The following TMEM120A variants were observed in gnomAD, a reference collection of about 807,000 sequenced individuals.
TMEM120A encodes the protein ion channel TACAN.
A neutral mutation model predicts 54.3 loss-of-function variants in TMEM120A; 45 were observed. The ratio of observed to expected loss-of-function variants is 0.83; its 90% CI spans 0.65 to 1.06. The LOEUF is 1.06. TMEM120A is among the 50% of genes least tolerant of loss of function. The probability of loss-of-function intolerance (pLI) is 0.00; values close to 1 mark genes in which losing one functional copy is unlikely to be tolerated. For synonymous variants in TMEM120A, 204 were observed against 178.5 expected (o/e 1.14, Z -1.14); for missense variants, 424 against 441.7 (o/e 0.96, Z 0.36).
Position 75,992,253 on chromosome 7 carries a change from G to A in TMEM120A, c.208C>T (p.Pro70Ser). The change falls in exon 3 of 12, where the codon CCC (proline) becomes TCC (serine). Residue 70 changes from proline (P) to serine (S), a missense_variant. Transcript: ENST00000493111. The stretch of plus-strand genomic sequence containing the variant: ...CCCTCGGCCTCTGCTGGGAGGGAGG[G>A]TTTGCATCTGCGGGTAAGGCCAGAA... The part of the protein sequence containing the change: ...ELALALKKCK[P>S]SLPAEAEGAA... 1 of 1,605,756 alleles carries A rather than the reference G, an allele frequency of 6.2e-7. No individual in the cohort carries two copies. Among genetic ancestry groups the A allele is most frequent in the Admixed American group, 1.7e-5 (1 of 58,820 alleles).
rs982855347 is a variant in TMEM120A at position 75,992,547 on chromosome 7, C to T, written c.92G>A (p.Arg31Gln). ...QDFQNIQETH[R>Q]LYRLKLEELT... The stretch of plus-strand genomic sequence containing the variant: ...CTCCTCCAGCTTCAGGCGGTAGAGC[C>T]GATGGGTCTCCTGGGGGCCGGAGGG... The change falls in exon 2 of 12, where the codon CGG (arginine) becomes CAG (glutamine). Residue 31 changes from arginine (R) to glutamine (Q), a missense_variant. Arg to Gln is a conservative substitution (Grantham distance 43). Coordinates refer to ENST00000493111, the MANE Select transcript of TMEM120A (RefSeq NM_031925.3). The T allele has an allele frequency of 4.4e-6, 7 of 1,575,958 alleles. No homozygotes were observed. Among genetic ancestry groups the T allele is most frequent in the East Asian group, 2.3e-5 (1 of 42,982 alleles).
At position 75,992,233 on chromosome 7, in the gene TMEM120A, G is replaced by A. The variant is rs781833166; in HGVS notation, c.228C>T (p.Ala76=). 15 of 1,611,016 alleles carry A rather than the reference G, an allele frequency of 9.3e-6. No homozygotes were observed. The highest frequency in any genetic ancestry group is 2.2e-5 in the East Asian group (1 of 44,840). Residue 76 remains alanine (A), a synonymous_variant, in exon 3 of 12, where the codon GCC becomes GCT. Transcript: ENST00000493111. ...TCTCCAGCTCCTGTGCGGCCCCCTC[G>A]GCCTCTGCTGGGAGGGAGGGTTTGC... ...KKCKPSLPAE[A]EGAAQELENQ...
chr7:75,991,892 A>C (rs1554561849), intron 3 of TMEM120A, among the ~76,000 whole-genome samples: 1 of 152,116 alleles, frequency 6.6e-6, no homozygotes, highest in African/African-American at 2.4e-5. Flanking sequence ...TAATCCAGGA[A>C]GCCTTCTGCG....
chr7:75,987,693 G>GATGC, intron 9 of TMEM120A, 25 bp downstream of exon 9: 1 of 1,610,666 alleles, frequency 6.2e-7, no homozygotes. Context: ...GGAATGTCCA[G>GATGC]ATGCCAGGGC....
chr7:75,992,264 C>T lies in TMEM120A; in HGVS notation c.201-4G>A, dbSNP rs781987686. On this transcript the variant is annotated splice_region_variant and splice_polypyrimidine_tract_variant and intron_variant, in intron 2 of 11. Transcript: ENST00000493111. ...TGCTGGGAGGGAGGGTTTGCATCTG[C>T]GGGTAAGGCCAGAAACAGTCAGGGC... is the stretch of plus-strand genomic sequence containing the variant. The T allele has an allele frequency of 1.3e-5, 21 of 1,600,752 alleles. No individual in the cohort carries two copies. The Admixed American group carries it at 1.7e-4, about 13-fold the overall frequency.
chr7:75,989,277 C>G (rs187197181), intron 3 of TMEM120A, 53 bp from the exon 4 acceptor site: 3 of 1,212,956 alleles, frequency 2.5e-6, no homozygotes, highest in East Asian at 2.5e-5. Flanking sequence ...GACAAGCCAC[C>G]GGTACTCAGC....
chr7:75,987,434 CA>C lies in TMEM120A; in HGVS notation c.850-7del, dbSNP rs1563438745. 5.8e-6 allele frequency: 9 copies of C among 1,560,212 alleles called. No homozygotes were observed. Among genetic ancestry groups the C allele is most frequent in the African/African-American group, 1.4e-5 (1 of 73,350 alleles). On this transcript the variant is annotated splice_polypyrimidine_tract_variant and splice_region_variant and intron_variant, in intron 10 of 11. Transcript: ENST00000493111. The stretch of plus-strand genomic sequence containing the variant: ...GCGTTAAAAAGCTGCCAGAACTAAG[CA>C]GGGAGGAGGCATTTTACTCAGAAGA...
At chr7:75,991,241 G>A (rs376164775) in intron 3 of TMEM120A, among the ~76,000 whole-genome samples, 203 of 152,018 alleles carry the variant, frequency 1.3e-3, no homozygotes, top group South Asian at 3.3e-3. Context: ...GCCCCCGCCC[G>A]CCTACTGGGC....
At position 75,987,390 on chromosome 7, in the gene TMEM120A, C is replaced by A; in HGVS notation, c.888G>T (p.Leu296=). 1 of 1,566,170 alleles carries A rather than the reference C, an allele frequency of 6.4e-7. No individual in the cohort carries two copies. Among genetic ancestry groups the A allele is most frequent in the East Asian group, 2.4e-5 (1 of 42,040 alleles). Reference sequence around the variant, plus strand: ...ACTCCTTGCACTGAGGGTCCTGGGCCAGGTTGAACAACGTCAGCGCGTTAA... The same window carrying A: ...ACTCCTTGCACTGAGGGTCCTGGGCAAGGTTGAACAACGTCAGCGCGTTAA... ...QLFNALTLFN[L]AQDPQCKEWQ... The change falls in exon 11 of 12, where the codon CTG becomes CTT. Residue 296 remains leucine (L), a synonymous_variant. Coordinates refer to ENST00000493111, the MANE Select transcript of TMEM120A (RefSeq NM_031925.3).
chr7:75,987,615 A>C lies in TMEM120A; in HGVS notation c.785-13T>G, dbSNP rs1554560213. ...GACTGGAAGCCCTCTGCGGGGAGGA[A>C]GGTCAGGGCACAGGACGGCCAGGGA... On this transcript the variant is annotated splice_polypyrimidine_tract_variant and intron_variant, in intron 9 of 11. Transcript: ENST00000493111. 6.2e-7 allele frequency: 1 copy of C among 1,607,600 alleles called. No homozygotes were observed. Among genetic ancestry groups the C allele is most frequent in the African/African-American group, 1.3e-5 (1 of 74,942 alleles).
rs781950057 is a variant in TMEM120A, at chr7:75,987,228, G to C, written c.976C>G (p.Leu326Val). The change falls in exon 12 of 12, where the codon CTG becomes GTG. Residue 326 changes from leucine (L) to valine (V), a missense_variant. Leu to Val is a conservative substitution (Grantham distance 32, BLOSUM62 1). Coordinates refer to ENST00000493111, the MANE Select transcript of TMEM120A (RefSeq NM_031925.3). The stretch of plus-strand genomic sequence containing the variant: ...TGAAACTTGTGGTGCACAACCCTCA[G>C]GGTGGTGAAGAAATTGCCGAGGAAA... ...LLFLGNFFTTLRVVHHKFHSQ... is the reference protein window; with the variant it reads ...LLFLGNFFTTVRVVHHKFHSQ... 1 of 1,608,980 alleles carries C rather than the reference G, an allele frequency of 6.2e-7. No homozygotes were observed. The highest frequency in any genetic ancestry group is 1.3e-5 in the African/African-American group (1 of 74,852).
intron 3 of TMEM120A, 131 bp downstream of exon 3, chr7:75,992,013 G>A: frequency 1.6e-6 from 1 of 631,184 alleles, no homozygotes; most frequent in Non-Finnish European, 2.8e-6. Context: ...CCTGAAGTCA[G>A]CACTGTGCCT....
In TMEM120A at chr7:75,987,115, C is replaced by T. The variant is rs1011250372; in HGVS notation, c.*57G>A. The T allele has an allele frequency of 1.4e-6, 2 of 1,446,380 alleles. No individual in the cohort carries two copies. Among genetic ancestry groups the T allele is most frequent in the African/African-American group, 1.4e-5 (1 of 70,968 alleles). 89.6% of individuals were successfully genotyped at this position (1,446,380 alleles called of 1,614,324 possible). A position where few individuals can be genotyped will look rare whatever the true frequency, so the allele number is the denominator to read the frequency against. ...GCACACTCGAGGGGCGCCTCCCATCCCCTCCCACAACACACAGGACAGAAG... is the reference window on the plus strand; with the variant it reads ...GCACACTCGAGGGGCGCCTCCCATCTCCTCCCACAACACACAGGACAGAAG... On this transcript the variant is annotated 3_prime_UTR_variant, in exon 12 of 12. Transcript: ENST00000493111.
At chr7:75,990,983 T>A (rs1554561715) in intron 3 of TMEM120A, among the ~76,000 whole-genome samples, 1 of 147,928 alleles carries the variant, frequency 6.8e-6, no homozygotes, top group African/African-American at 2.5e-5. Flanking sequence ...TCGACATCCA[T>A]CCCCTTCCAC....
At position 75,987,215 on chromosome 7, in the gene TMEM120A, T is replaced by C. The variant is rs782036165; in HGVS notation, c.989A>G (p.His330Arg). The change falls in exon 12 of 12, where the codon CAC (histidine) becomes CGC (arginine). Residue 330 changes from histidine (H) to arginine (R), a missense_variant. His to Arg is a conservative substitution (Grantham distance 29). Coordinates refer to ENST00000493111, the MANE Select transcript of TMEM120A (RefSeq NM_031925.3). ...GTGCCGCTGACTGTGAAACTTGTGGTGCACAACCCTCAGGGTGGTGAAGAA... is the reference window on the plus strand; with the variant it reads ...GTGCCGCTGACTGTGAAACTTGTGGCGCACAACCCTCAGGGTGGTGAAGAA... Reference protein sequence around the residue: ...GNFFTTLRVVHHKFHSQRHGS... With the variant: ...GNFFTTLRVVRHKFHSQRHGS... The C allele has an allele frequency of 7.6e-5, 123 of 1,608,780 alleles. 3 individuals are homozygous for C. Among genetic ancestry groups the C allele is most frequent in the South Asian group, 5.9e-4 (53 of 90,124 alleles).
rs1456174059 is a variant in TMEM120A at position 75,994,563 on chromosome 7, G to A, written c.8C>T (p.Pro3Leu). Residue 3 changes from proline (P) to leucine (L), a missense_variant, in exon 1 of 12, where the codon CCC becomes CTC. By Grantham distance (98) the Pro-to-Leu change is moderately conservative. Coordinates refer to ENST00000493111, the MANE Select transcript of TMEM120A (RefSeq NM_031925.3). Reference protein sequence around the residue: MQPPPPGPLGDCL... With the variant: MQLPPPGPLGDCL... ...GTCGCCCAGCGGGCCCGGGGGCGGG[G>A]GCTGCATGGCTGCAGCGCCAGTAGC... is the stretch of plus-strand genomic sequence containing the variant. 1.7e-5 allele frequency: 26 copies of A among 1,542,916 alleles called. No individual in the cohort carries two copies. The highest frequency in any genetic ancestry group is 2.3e-5 in the Non-Finnish European group (26 of 1,144,496).
chr7:75,987,135 CAGAAGCCCCTCTGGGCCGGCAGG>C lies in TMEM120A; in HGVS notation c.*14_*36del. On this transcript the variant is annotated 3_prime_UTR_variant, in exon 12 of 12. Coordinates refer to ENST00000493111, the MANE Select transcript of TMEM120A (RefSeq NM_031925.3). ...CCATCCCCTCCCACAACACACAGGA[CAGAAGCCCCTCTGGGCCGGCAGG>C]GGAAGGCCCAGCCTCAATCCTTCTT... 6.5e-7 allele frequency: 1 copy of C among 1,530,354 alleles called. No homozygotes were observed. The highest frequency in any genetic ancestry group is 1.4e-5 in the African/African-American group (1 of 72,958). 94.8% of individuals were successfully genotyped at this position (1,530,354 alleles called of 1,614,324 possible).
rs1789867832 is a variant in TMEM120A, at chr7:75,992,184, G to C, written c.277C>G (p.Leu93Val). The stretch of plus-strand genomic sequence containing the variant: ...AAATAGGCCTCCATGTCAAAGAAGA[G>C]GCCTTGGCGCTCTTTCATCTGGTTC... The part of the protein sequence containing the change: ...LENQMKERQG[L>V]FFDMEAYLPK... The change falls in exon 3 of 12, where the codon CTC becomes GTC. Residue 93 changes from leucine (L) to valine (V), a missense_variant. Transcript: ENST00000493111. 6.2e-7 allele frequency: 1 copy of C among 1,611,658 alleles called. No homozygotes were observed.
rs1265709448 is a variant in TMEM120A at position 75,987,095 on chromosome 7, C to T, written c.*77G>A. On this transcript the variant is annotated 3_prime_UTR_variant, in exon 12 of 12. Coordinates refer to ENST00000493111, the MANE Select transcript of TMEM120A (RefSeq NM_031925.3). ...GAAGAGACCCCCTGATACACGCACA[C>T]TCGAGGGGCGCCTCCCATCCCCTCC... 8.0e-7 allele frequency: 1 copy of T among 1,254,444 alleles called. No homozygotes were observed. The highest frequency in any genetic ancestry group is 2.0e-5 in the Admixed American group (1 of 50,436). 77.7% of individuals were successfully genotyped at this position (1,254,444 alleles called of 1,614,324 possible). A position where few individuals can be genotyped will look rare whatever the true frequency, so the allele number is the denominator to read the frequency against.
Sources: allele counts gnomAD v4.1 joint callset (sites outside exome capture counted in the v4.1 genomes callset), GRCh38; gene constraint gnomAD v4.1.1; transcripts MANE v1.5; gene names NCBI Gene and HGNC (gene_info 2026-07-23, HGNC 2026-07-21).